Variants in PGS1 observed in about 807,000 individuals in gnomAD.
The protein encoded by PGS1 is CDP-diacylglycerol--glycerol-3-phosphate 3-phosphatidyltransferase, mitochondrial.
PGS1 carries 44 observed loss-of-function variants against 58.3 expected under a neutral mutation model. The ratio of observed to expected loss-of-function variants is 0.75; its 90% CI spans 0.59 to 0.97. PGS1 has a LOEUF of 0.97. PGS1 is among the 50% of genes least tolerant of loss of function. The pLI is 0.00. For synonymous variants in PGS1, 330 were observed against 311.0 expected, an observed-to-expected ratio of 1.06 and a Z score of -0.64; for missense variants, 684 against 731.1, an observed-to-expected ratio of 0.94 and a Z score of 0.74.
At chr17:78,419,439 G>A (rs74001303) in intron 8 of PGS1, 107 bp from the exon 9 acceptor site, 7 of 954,650 alleles carry the variant, frequency 7.3e-6, no homozygotes, top group African/African-American at 1.6e-5. Flanking sequence ...GACATGGGAA[G>A]TCAGGGTTTT....
chr17:78,398,398 C>T (rs1159259277), intron 4 of PGS1, 47 bp downstream of exon 4: 2 of 1,298,414 alleles, frequency 1.5e-6, no homozygotes, highest in Admixed American at 1.7e-5. Flanking sequence ...GTGTCAGATC[C>T]TCAGTCCCAA....
intron 2 of PGS1, among the ~76,000 whole-genome samples, chr17:78,393,296 G>A (rs1046713520): frequency 6.6e-6 from 1 of 152,090 alleles, no homozygotes; most frequent in African/African-American, 2.4e-5. Context: ...TCCTGACCTC[G>A]TGATCCACCC....
chr17:78,383,062 C>CT lies in PGS1; in HGVS notation c.143+4261dup, dbSNP rs988427898. On this transcript the variant is annotated intron_variant, in intron 1 of 9. Transcript: ENST00000262764. Reference sequence around the variant, plus strand: ...CAAGGAAATATTTATCTGTGGCTTACTTTTTTTCCTTTTTAAACTATTTTT... The same window carrying CT: ...CAAGGAAATATTTATCTGTGGCTTACTTTTTTTTCCTTTTTAAACTATTTTT... Among the ~76,000 whole-genome samples, 3 of 152,254 alleles carry CT rather than the reference C, an allele frequency of 2.0e-5. 1 individual carries two copies. The highest frequency in any genetic ancestry group is 2.0e-4 in the Admixed American group (3 of 15,300).
In PGS1 at chr17:78,420,288, ACC is replaced by A; in HGVS notation, c.*10+614_*10+615del. ...CCACCCAGGAGGGGCCTGCCGCTTC[ACC>A]AGAGGCACCAGTGGGGTCCCACAGT... is the stretch of plus-strand genomic sequence containing the variant. On this transcript the variant is annotated intron_variant, in intron 9 of 9. Transcript: ENST00000262764. The A allele has an allele frequency of 4.4e-6, 4 of 915,844 alleles. No homozygotes were observed. In the Admixed American group the frequency reaches 1.8e-4, roughly 41 times the overall value. The allele number at this position is 915,844 out of a possible 1,614,324, so 56.7% of individuals were successfully genotyped here.
Position 78,378,792 on chromosome 17 carries a change from G to T in PGS1, c.127G>T (p.Asp43Tyr). The change falls in exon 1 of 10, where the codon GAC becomes TAC. Residue 43 changes from aspartate (D) to tyrosine (Y), a missense_variant. Transcript: ENST00000262764. ...GTCCGACCGCCTCGGCAGGAACCGG[G>T]ACCGCCAGCGCAGGAGGTGAGAGGG... ...RLSDRLGRNR[D>Y]RQRRRSPWLL... 1 of 1,477,296 alleles carries T rather than the reference G, an allele frequency of 6.8e-7. No homozygotes were observed. The highest frequency in any genetic ancestry group is 8.9e-7 in the Non-Finnish European group (1 of 1,121,374). 91.5% of individuals were successfully genotyped at this position (1,477,296 alleles called of 1,614,324 possible).
intron 8 of PGS1, among the ~76,000 whole-genome samples, chr17:78,415,524 C>T (rs972194986): frequency 9.2e-5 from 14 of 152,236 alleles, no homozygotes; most frequent in Non-Finnish European, 1.2e-4. Context: ...CCCAGCTACT[C>T]GGGAGGCTGA....
chr17:78,408,600 G>A (rs2084358848), intron 7 of PGS1, among the ~76,000 whole-genome samples: 1 of 152,232 alleles, frequency 6.6e-6, no homozygotes, highest in South Asian at 2.1e-4. Context: ...AGGGAGTGGG[G>A]TGGGGGCCTT....
chr17:78,385,809 C>T (rs1271228857), intron 1 of PGS1, among the ~76,000 whole-genome samples: 1 of 152,234 alleles, frequency 6.6e-6, no homozygotes, highest in African/African-American at 2.4e-5. Context: ...TTATTGTGAG[C>T]TCAGTTCCCA....
chr17:78,418,538 A>ATAAG (rs1222117047), intron 8 of PGS1, among the ~76,000 whole-genome samples: 4 of 152,100 alleles, frequency 2.6e-5, no homozygotes, highest in African/African-American at 9.7e-5. Context: ...TGAGTTGTTA[A>ATAAG]TAAGTTCGTG....
Position 78,403,833 on chromosome 17 carries a change from C to A in PGS1, c.1146C>A (p.Val382=). 6.2e-7 allele frequency: 1 copy of A among 1,614,270 alleles called. No homozygotes were observed. The highest frequency in any genetic ancestry group is 8.5e-7 in the Non-Finnish European group (1 of 1,180,058). The part of the protein sequence containing the change: ...LLTEAERGAK[V]YLTTGYFNLT... ...CTGAGGCGGAGCGCGGGGCAAAGGT[C>A]TACCTCACCACTGGCTATTTCAACC... The change falls in exon 7 of 10, where the codon GTC becomes GTA. Residue 382 remains valine (V), a synonymous_variant. Coordinates refer to ENST00000262764, the MANE Select transcript of PGS1 (RefSeq NM_024419.5).
chr17:78,411,279 A>G (rs747355775), intron 7 of PGS1, among the ~76,000 whole-genome samples: 60 of 152,328 alleles, frequency 3.9e-4, no homozygotes, highest in South Asian at 1.7e-3. Flanking sequence ...GAAAGGGCCC[A>G]GAAGCCATGG....
At position 78,423,670 on chromosome 17, in the gene PGS1, A is replaced by C. The variant is rs553471949; in HGVS notation, c.*11-391A>C. ...GCCTGAACCAGGCCTCACAGTGGCC[A>C]TCAGGCACAGAATGGATGGGCACAG... On this transcript the variant is annotated intron_variant, in intron 9 of 9. Transcript: ENST00000262764. The C allele has an allele frequency of 2.9e-5, 15 of 514,016 alleles. No homozygotes were observed. In the East Asian group the frequency reaches 4.6e-4, roughly 16 times the overall value. 31.8% of individuals were successfully genotyped at this position (514,016 alleles called of 1,614,324 possible).
intron 9 of PGS1, among the ~76,000 whole-genome samples, chr17:78,423,344 C>T (rs553400567): frequency 1.6e-4 from 25 of 152,184 alleles, no homozygotes; most frequent in African/African-American, 4.8e-4. Flanking sequence ...ACTCTGGGGG[C>T]GGGGGCTTGG....
intron 9 of PGS1, among the ~76,000 whole-genome samples, chr17:78,422,996 T>A (rs1168847903): frequency 6.6e-6 from 1 of 151,342 alleles, no homozygotes; most frequent in African/African-American, 2.4e-5. Context: ...CTTGGGAGGT[T>A]GAGGCAGGAG....
chr17:78,403,563 C>T lies in PGS1; in HGVS notation c.881-5C>T, dbSNP rs370960490. On this transcript the variant is annotated splice_polypyrimidine_tract_variant and splice_region_variant and intron_variant, in intron 6 of 9. Transcript: ENST00000262764. ...CCCTTCACTCTTCTTTCACGTCTTC[C>T]CCAGGGGACCGGGCCGAGTACTGCA... 1.2e-6 allele frequency: 2 copies of T among 1,607,314 alleles called. No homozygotes were observed. The highest frequency in any genetic ancestry group is 2.2e-5 in the South Asian group (2 of 90,952).
At chr17:78,419,080 G>C (rs1338382212) in intron 8 of PGS1, among the ~76,000 whole-genome samples, 2 of 151,930 alleles carry the variant, frequency 1.3e-5, no homozygotes, top group East Asian at 1.9e-4. Flanking sequence ...CAGCATCACA[G>C]CTCATGCAGC....
intron 1 of PGS1, among the ~76,000 whole-genome samples, chr17:78,380,333 T>C (rs1363086127): frequency 1.3e-5 from 2 of 152,120 alleles, no homozygotes; most frequent in Non-Finnish European, 2.9e-5. Flanking sequence ...AGATCTGGGG[T>C]CCAGTCATGT....
At chr17:78,397,277 C>T (rs548354369) in intron 3 of PGS1, among the ~76,000 whole-genome samples, 2 of 98,020 alleles carry the variant, frequency 2.0e-5, no homozygotes, top group South Asian at 3.6e-4. Flanking sequence ...GCTTTCCGCT[C>T]GGTATAGTGA....
intron 3 of PGS1, 87 bp from the exon 4 acceptor site, chr17:78,398,165 G>A: frequency 5.5e-6 from 5 of 916,024 alleles, no homozygotes; most frequent in Non-Finnish European, 9.1e-6. Context: ...GATGACGAGG[G>A]CACTAGCCGA....
Sources: allele counts gnomAD v4.1 joint callset (sites outside exome capture counted in the v4.1 genomes callset), GRCh38; gene constraint gnomAD v4.1.1; transcripts MANE v1.5; gene names NCBI Gene and HGNC (gene_info 2026-07-23, HGNC 2026-07-21).